The following DST variants were observed in gnomAD, a reference collection of about 807,000 sequenced individuals.
DST encodes bullous pemphigoid antigen.
Under a neutral mutation model 875.2 loss-of-function variants are expected in DST, and 253 were observed. That is an observed-to-expected ratio of 0.29 (90% CI 0.26 to 0.32). DST has a LOEUF of 0.32. Among genes scored for constraint, DST ranks in the 10% least tolerant of loss-of-function variants. DST has a pLI of 1.00. For missense variants in DST, 8,287 were observed against 9,111.6 expected, an observed-to-expected ratio of 0.91 and a Z score of 3.68; for synonymous variants, 3,124 against 3,197.1, an observed-to-expected ratio of 0.98 and a Z score of 0.77.
intron 50 of DST, among the ~76,000 whole-genome samples, chr6:56,574,124 C>T (rs1312052880): frequency 6.6e-6 from 1 of 151,366 alleles, no homozygotes; most frequent in East Asian, 1.9e-4. Flanking sequence ...AATATATATC[C>T]CATCTGCATT....
chr6:56,543,339 C>A (rs2097171106), intron 61 of DST, among the ~76,000 whole-genome samples: 1 of 152,206 alleles, frequency 6.6e-6, no homozygotes, highest in Admixed American at 6.5e-5. Context: ...TCAAATCTAA[C>A]TGTTCTCCAG....
At chr6:56,597,322 T>C (rs1392593597) in intron 47 of DST, among the ~76,000 whole-genome samples, 1 of 152,070 alleles carries the variant, frequency 6.6e-6, no homozygotes, top group Non-Finnish European at 1.5e-5. Context: ...AAATCCAAAT[T>C]CCAGCCCTTT....
chr6:56,602,788 G>A (rs11751914), intron 43 of DST, 94 bp downstream of exon 43: 376,615 of 940,524 alleles, frequency 0.4, 77,976 homozygotes, highest in African/African-American at 0.55. Context: ...ATAATCCTTT[G>A]TAGCCTTAGC....
chr6:56,533,360 C>T (rs2096931130), intron 63 of DST, among the ~76,000 whole-genome samples: 1 of 152,218 alleles, frequency 6.6e-6, no homozygotes, highest in Non-Finnish European at 1.5e-5. Flanking sequence ...GTATGAAACA[C>T]TATGCTTCAC....
chr6:56,932,647 A>T (rs1182962437), intron 2 of DST, among the ~76,000 whole-genome samples: 1 of 152,100 alleles, frequency 6.6e-6, no homozygotes, highest in Non-Finnish European at 1.5e-5. Flanking sequence ...TTTAGCCAAC[A>T]TCAAATATTC....
At chr6:56,492,847 G>T in intron 84 of DST, 87 bp downstream of exon 84, 1 of 1,139,326 alleles carries the variant, frequency 8.8e-7, no homozygotes, top group Non-Finnish European at 1.2e-6. Flanking sequence ...AGTCCTGGAC[G>T]ACAGAGGAGT....
chr6:56,629,753 T>G (rs906161995), intron 31 of DST, among the ~76,000 whole-genome samples: 10 of 152,204 alleles, frequency 6.6e-5, no homozygotes, highest in Non-Finnish European at 1.5e-4. Flanking sequence ...CATTGTCTGC[T>G]TTTAAGTGCC....
intron 9 of DST, among the ~76,000 whole-genome samples, chr6:56,685,655 C>G (rs1360721074): frequency 6.6e-6 from 1 of 152,010 alleles, no homozygotes; most frequent in Non-Finnish European, 1.5e-5. Context: ...GTCTGTAATC[C>G]CAGCTACTCG....
chr6:56,502,065 CAAAA>C (rs1388701881), intron 78 of DST, among the ~76,000 whole-genome samples: 1 of 151,804 alleles, frequency 6.6e-6, no homozygotes, highest in East Asian at 1.9e-4. Context: ...ATATGAAAGC[CAAAA>C]AAGTCTTAAG....
At chr6:56,762,859 T>G (rs2099620674) in intron 4 of DST, among the ~76,000 whole-genome samples, 1 of 149,510 alleles carries the variant, frequency 6.7e-6, no homozygotes, top group Non-Finnish European at 1.5e-5. Flanking sequence ...TTTTTTTTTT[T>G]TTTTTTTTGA....
At chr6:56,489,440 A>T in intron 86 of DST, 50 bp downstream of exon 86, 2 of 1,560,430 alleles carry the variant, frequency 1.3e-6, no homozygotes, top group South Asian at 1.2e-5. Context: ...TTTTAAAGTG[A>T]TCTTGAACTA....
intron 3 of DST, among the ~76,000 whole-genome samples, chr6:56,877,436 A>C (rs1160812392): frequency 6.6e-6 from 1 of 152,168 alleles, no homozygotes; most frequent in Non-Finnish European, 1.5e-5. Context: ...GGCACCTGTA[A>C]TCCCAGCTAC....
chr6:56,649,023 G>A lies in DST; in HGVS notation c.1435-334C>T, dbSNP rs193062745. ...CAAAGTCAATTTGGGGTGTTTACCAGGGCTCAAGATTGGGCAGTAACAACT... is the reference window on the plus strand; with the variant it reads ...CAAAGTCAATTTGGGGTGTTTACCAAGGCTCAAGATTGGGCAGTAACAACT... On this transcript the variant is annotated intron_variant, in intron 12 of 103. Coordinates refer to ENST00000680361, the MANE Select transcript of DST (RefSeq NM_001374736.1). 3.2e-4 allele frequency among the ~76,000 whole-genome samples: 48 copies of A among 152,292 alleles called. No individual in the cohort carries two copies. The East Asian group carries it at 6.0e-3, about 19-fold the overall frequency.
intron 59 of DST, 94 bp downstream of exon 59, chr6:56,557,225 C>T: frequency 8.3e-7 from 1 of 1,200,940 alleles, no homozygotes; most frequent in Non-Finnish European, 1.2e-6. Flanking sequence ...AATAAAACAC[C>T]TACTGACCAA....
Position 56,855,614 on chromosome 6 carries a change from T to G in DST, c.418-4010A>C, listed in dbSNP as rs1767496517. Reference sequence around the variant, plus strand: ...ACCACATTGTTTATTGTCATGCATTTGTAGGATTATTGTAGACCTTACAAA... The same window carrying G: ...ACCACATTGTTTATTGTCATGCATTGGTAGGATTATTGTAGACCTTACAAA... On this transcript the variant is annotated intron_variant, in intron 3 of 103. Coordinates refer to ENST00000680361, the MANE Select transcript of DST (RefSeq NM_001374736.1). 3.3e-5 allele frequency among the ~76,000 whole-genome samples: 5 copies of G among 152,246 alleles called. No individual in the cohort carries two copies. In the South Asian group the frequency reaches 1.0e-3, roughly 31 times the overall value.
intron 30 of DST, among the ~76,000 whole-genome samples, chr6:56,630,785 CTTTTTTTT>C (rs113335666): frequency 0.088 from 12,596 of 143,136 alleles, 1,667 homozygotes; most frequent in African/African-American, 0.29. Context: ...TAATGTATTT[CTTTTTTTT>C]TTTTTTTGAA....
At chr6:56,848,935 G>C (rs1426191707) in intron 4 of DST, among the ~76,000 whole-genome samples, 4 of 143,126 alleles carry the variant, frequency 2.8e-5, no homozygotes, top group African/African-American at 1.1e-4. Flanking sequence ...AGCTACTTGG[G>C]AGGCTGAGGC....
At position 56,609,352 on chromosome 6, in the gene DST, G is replaced by T; in HGVS notation, c.5284-8C>A. ...TGCAATCACTTTATCCAGCTGAAAG[G>T]AAAATGCAAAAATCTCAGGTCACTC... On this transcript the variant is annotated splice_polypyrimidine_tract_variant and splice_region_variant and intron_variant, in intron 39 of 103. Coordinates refer to ENST00000680361, the MANE Select transcript of DST (RefSeq NM_001374736.1). 6.3e-7 allele frequency: 1 copy of T among 1,574,956 alleles called. No homozygotes were observed. The highest frequency in any genetic ancestry group is 1.2e-5 in the South Asian group (1 of 86,556).
chr6:56,532,594 T>G, intron 63 of DST, 84 bp from the exon 64 acceptor site: 1 of 1,311,310 alleles, frequency 7.6e-7, no homozygotes, highest in Non-Finnish European at 1.0e-6. Context: ...ACATTTGAAG[T>G]ATGACAAAAA....
Sources: gnomAD v4.1 joint callset for allele counts (sites outside exome capture counted in the v4.1 genomes callset) on GRCh38, gnomAD v4.1.1 for gene constraint, MANE v1.5 for transcripts, NCBI Gene and HGNC (gene_info 2026-07-23, HGNC 2026-07-21) for gene names.